CTNNA2: variants seen among roughly 807,000 people sequenced by gnomAD.
CTNNA2 encodes catenin alpha-2.
Under a neutral mutation model 101.0 loss-of-function variants are expected in CTNNA2, and 42 were observed. The ratio of observed to expected loss-of-function variants is 0.42; its 90% CI spans 0.32 to 0.54. CTNNA2 has a LOEUF of 0.54. Ranked by LOEUF, CTNNA2 falls within the 20% of genes least tolerant of loss-of-function variation. The pLI is 0.14. For synonymous variants in CTNNA2, 450 were observed against 456.4 expected (o/e 0.99, Z 0.18); for missense variants, 871 against 1,223.1 (o/e 0.71, Z 4.29).
At chr2:80,101,490 A>T (rs988789536) in intron 7 of CTNNA2, among the ~76,000 whole-genome samples, 1 of 152,216 alleles carries the variant, frequency 6.6e-6, no homozygotes, top group Admixed American at 6.5e-5. Flanking sequence ...TGAAACTTTC[A>T]TTCAGAAACC....
intron 16 of CTNNA2, among the ~76,000 whole-genome samples, chr2:80,605,938 T>C (rs1269141850): frequency 6.6e-6 from 1 of 151,888 alleles, no homozygotes; most frequent in African/African-American, 2.4e-5. Flanking sequence ...ACCATGAGGC[T>C]TCACAGCATA....
intron 2 of CTNNA2, among the ~76,000 whole-genome samples, chr2:79,680,204 G>A (rs914958356): frequency 1.6e-4 from 24 of 151,626 alleles, no homozygotes; most frequent in Non-Finnish European, 2.6e-4. Context: ...AGAAAATCTC[G>A]GGATTTAGAG....
intron 15 of CTNNA2, among the ~76,000 whole-genome samples, chr2:80,593,321 G>A (rs1194638706): frequency 6.6e-6 from 1 of 151,894 alleles, no homozygotes; most frequent in South Asian, 2.1e-4. Context: ...CGCTTTCATG[G>A]ATGTGATTTT....
intron 7 of CTNNA2, among the ~76,000 whole-genome samples, chr2:80,181,689 C>T (rs572139749): frequency 1.3e-5 from 2 of 152,170 alleles, no homozygotes; most frequent in Non-Finnish European, 2.9e-5. Flanking sequence ...GTGAACTAGG[C>T]AACCAACTTC....
At chr2:80,156,029 G>C (rs951706089) in intron 7 of CTNNA2, among the ~76,000 whole-genome samples, 2 of 152,166 alleles carry the variant, frequency 1.3e-5, no homozygotes, top group Admixed American at 6.5e-5. Flanking sequence ...GATTCAGTAG[G>C]TTGTAGGGTG....
intron 15 of CTNNA2, among the ~76,000 whole-genome samples, chr2:80,603,119 A>C (rs529889380): frequency 6.6e-6 from 1 of 152,212 alleles, no homozygotes; most frequent in African/African-American, 2.4e-5. Flanking sequence ...GTAATCTTAC[A>C]GCCTTAAAAA....
chr2:79,212,944 T>G (rs1469462633), intron 2 of CTNNA2, among the ~76,000 whole-genome samples: 1 of 152,154 alleles, frequency 6.6e-6, no homozygotes, highest in African/African-American at 2.4e-5. Context: ...ATTTCCATGA[T>G]GCAAAGGAAA....
At chr2:80,084,007 A>G (rs193289028) in intron 7 of CTNNA2, among the ~76,000 whole-genome samples, 12 of 152,114 alleles carry the variant, frequency 7.9e-5, no homozygotes, top group Admixed American at 7.9e-4. Flanking sequence ...GTTTATTTGC[A>G]GCTCTTCACC....
Position 79,978,981 on chromosome 2 carries a change from G to A in CTNNA2, c.1056+69184G>A, listed in dbSNP as rs115014211. Among the ~76,000 whole-genome samples the A allele has an allele frequency of 7.3e-3, 1,118 of 152,176 alleles. 14 individuals carry two copies. The highest frequency in any genetic ancestry group is 0.026 in the African/African-American group (1,060 of 41,514). Reference sequence around the variant, plus strand: ...CTCAATGTCAAGACTTTTGTAAATGGCCAAGTTCATCAGATTTTAATTCAA... The same window carrying A: ...CTCAATGTCAAGACTTTTGTAAATGACCAAGTTCATCAGATTTTAATTCAA... On this transcript the variant is annotated intron_variant, in intron 7 of 18. Transcript: ENST00000402739.
At chr2:79,890,858 C>G (rs1684250155) in intron 6 of CTNNA2, among the ~76,000 whole-genome samples, 1 of 138,534 alleles carries the variant, frequency 7.2e-6, no homozygotes, top group Non-Finnish European at 1.5e-5. Context: ...AGCGCTCACT[C>G]TGTGCTTCAA....
intron 12 of CTNNA2, among the ~76,000 whole-genome samples, chr2:80,557,916 A>T (rs374368579): frequency 6.6e-6 from 1 of 152,064 alleles, no homozygotes; most frequent in Non-Finnish European, 1.5e-5. Context: ...TTTTGCTCTT[A>T]CTTGTTCTGA....
At chr2:79,420,573 A>G (rs1285702592) in intron 4 of CTNNA2, among the ~76,000 whole-genome samples, 2 of 152,116 alleles carry the variant, frequency 1.3e-5, no homozygotes, top group African/African-American at 4.8e-5. Context: ...AATCCAAAAT[A>G]AGTTTATGTC....
At chr2:79,757,730 C>T (rs989620960) in intron 3 of CTNNA2, among the ~76,000 whole-genome samples, 5 of 152,116 alleles carry the variant, frequency 3.3e-5, no homozygotes, top group African/African-American at 1.2e-4. Flanking sequence ...CAGTAGAGTC[C>T]AGGTTCAAAT....
In CTNNA2 at chr2:79,834,045, C is replaced by A. The variant is rs532204086; in HGVS notation, c.299-23968C>A. Among the ~76,000 whole-genome samples the A allele has an allele frequency of 2.6e-5, 4 of 152,206 alleles. No homozygotes were observed. In the East Asian group the frequency reaches 7.7e-4, roughly 29 times the overall value. ...ATGTTTCCAAGTTTTGCTTGAAACA[C>A]ACAATTGCACTAAACAATTTCTGCT... On this transcript the variant is annotated intron_variant, in intron 3 of 18. Transcript: ENST00000402739.
intron 6 of CTNNA2, among the ~76,000 whole-genome samples, chr2:79,903,306 T>C (rs972475689): frequency 6.6e-6 from 1 of 152,066 alleles, no homozygotes; most frequent in Non-Finnish European, 1.5e-5. Flanking sequence ...CTCACCTCTC[T>C]TTTGGGCTCT....
chr2:79,620,826 G>A (rs150372668), intron 1 of CTNNA2, among the ~76,000 whole-genome samples: 7 of 152,316 alleles, frequency 4.6e-5, no homozygotes, highest in Non-Finnish European at 1.0e-4. Context: ...AGGGCATCAT[G>A]TGGGAGCCAG....
chr2:79,449,157 T>A (rs1678863135), intron 4 of CTNNA2, among the ~76,000 whole-genome samples: 1 of 152,014 alleles, frequency 6.6e-6, no homozygotes, highest in African/African-American at 2.4e-5. Context: ...GTTATAAAAA[T>A]CTTTACAGGA....
intron 7 of CTNNA2, among the ~76,000 whole-genome samples, chr2:79,935,749 C>A (rs1209449018): frequency 6.6e-6 from 1 of 152,164 alleles, no homozygotes; most frequent in Non-Finnish European, 1.5e-5. Flanking sequence ...TTGGGGTTTG[C>A]TGATTATTTT....
rs115583342 is a variant in CTNNA2, at chr2:79,362,595, C to T, written c.-317-11236C>T. Reference sequence around the variant, plus strand: ...CATTAGTGCTGCTCTCCAAATGTTCCCATTCTCTTTACATGATGATGTTGC... The same window carrying T: ...CATTAGTGCTGCTCTCCAAATGTTCTCATTCTCTTTACATGATGATGTTGC... On this transcript the variant is annotated intron_variant, in intron 3 of 21. Coordinates refer to the CTNNA2 transcript ENST00000466387. Among the ~76,000 whole-genome samples, 620 of 152,236 alleles carry T rather than the reference C, an allele frequency of 4.1e-3. 1 individual carries two copies. The highest frequency in any genetic ancestry group is 0.014 in the African/African-American group (591 of 41,540).
Sources: gnomAD v4.1 joint callset for allele counts (sites outside exome capture counted in the v4.1 genomes callset) on GRCh38, gnomAD v4.1.1 for gene constraint, MANE v1.5 for transcripts, NCBI Gene and HGNC (gene_info 2026-07-23, HGNC 2026-07-21) for gene names.